Variants in MAP4K4 observed in about 807,000 individuals in gnomAD.
MAP4K4 encodes HPK/GCK-like kinase HGK.
Under a neutral mutation model 189.6 loss-of-function variants are expected in MAP4K4, and 38 were observed. The observed-to-expected ratio is 0.20, with a 90% CI of 0.15 to 0.26. MAP4K4 has a LOEUF of 0.26. Ranked by LOEUF, MAP4K4 falls within the 10% of genes least tolerant of loss-of-function variation. MAP4K4 has a pLI of 1.00. For missense variants in MAP4K4, 1,054 were observed against 1,726.9 expected, an observed-to-expected ratio of 0.61 and a Z score of 6.91; for synonymous variants, 610 against 624.3, an observed-to-expected ratio of 0.98 and a Z score of 0.34.
chr2:101,869,797 C>T (rs375823544), exon 22 of MAP4K4: 45 of 1,547,512 alleles, frequency 2.9e-5, no homozygotes, highest in African/African-American at 6.8e-5. Flanking sequence ...ACCAGAGCAG[C>T]GTCAGTCCCC....
At chr2:101,742,845 A>G (rs1024670370) in intron 2 of MAP4K4, among the ~76,000 whole-genome samples, 4 of 152,176 alleles carry the variant, frequency 2.6e-5, no homozygotes, top group Non-Finnish European at 2.9e-5. Context: ...AGTAGCAATA[A>G]CTAGCTCTAC....
At chr2:101,866,000 A>G (rs1415352572) in intron 18 of MAP4K4, among the ~76,000 whole-genome samples, 1 of 152,224 alleles carries the variant, frequency 6.6e-6, no homozygotes, top group Non-Finnish European at 1.5e-5. Context: ...ACAAAGGACT[A>G]TTCTTTGTAA....
At chr2:101,880,603 G>A (rs952858851) in intron 27 of MAP4K4, among the ~76,000 whole-genome samples, 3 of 151,814 alleles carry the variant, frequency 2.0e-5, no homozygotes, top group Non-Finnish European at 4.4e-5. Context: ...CTGCCTTCCG[G>A]GTTCAAGCAA....
At chr2:101,765,054 A>G (rs1575152272) in intron 2 of MAP4K4, among the ~76,000 whole-genome samples, 1 of 152,326 alleles carries the variant, frequency 6.6e-6, no homozygotes, top group East Asian at 1.9e-4. Flanking sequence ...GGATAAAGGA[A>G]CAAATTAACA....
chr2:101,745,328 A>AACCCCC (rs2064781044), intron 2 of MAP4K4, among the ~76,000 whole-genome samples: 1 of 54,874 alleles, frequency 1.8e-5, no homozygotes, highest in African/African-American at 1.0e-4. Context: ...TGAAAATATC[A>AACCCCC]CCCCCCCCCC....
At chr2:101,705,442 G>A (rs895867324) in intron 2 of MAP4K4, among the ~76,000 whole-genome samples, 1 of 152,158 alleles carries the variant, frequency 6.6e-6, no homozygotes, top group East Asian at 1.9e-4. Flanking sequence ...CATGGAAACA[G>A]CACATACTGC....
At chr2:101,816,214 A>T (rs1008757029) in intron 3 of MAP4K4, among the ~76,000 whole-genome samples, 4 of 152,136 alleles carry the variant, frequency 2.6e-5, no homozygotes, top group Admixed American at 6.5e-5. Flanking sequence ...ATTTTGGCTA[A>T]TTTTAGTTGT....
At chr2:101,829,526 A>C in exon 6 of MAP4K4, 1 of 1,610,540 alleles carries the variant, frequency 6.2e-7, no homozygotes, top group East Asian at 2.2e-5. Context: ...CTTCACATTC[A>C]TCATGTGATT....
intron 31 of MAP4K4, 128 bp from the exon 32 acceptor site, chr2:101,888,668 C>T: frequency 1.5e-6 from 1 of 645,318 alleles, no homozygotes; most frequent in Non-Finnish European, 2.3e-6. Flanking sequence ...TCCTTAAATG[C>T]TAGGCATTTA....
chr2:101,753,561 A>G (rs1449026317), intron 2 of MAP4K4, among the ~76,000 whole-genome samples: 2 of 152,084 alleles, frequency 1.3e-5, no homozygotes, highest in Non-Finnish European at 2.9e-5. Context: ...TCATCTAGCT[A>G]TGATTTATGA....
intron 2 of MAP4K4, among the ~76,000 whole-genome samples, chr2:101,700,484 TC>T (rs1198997581): frequency 6.6e-6 from 1 of 152,212 alleles, no homozygotes; most frequent in Non-Finnish European, 1.5e-5. Context: ...TTGCCTACAG[TC>T]CAGAACAAAA....
chr2:101,834,523 G>A, intron 8 of MAP4K4, 60 bp downstream of exon 8: 4 of 1,358,672 alleles, frequency 2.9e-6, no homozygotes, highest in Non-Finnish European at 4.1e-6. Context: ...CCCCTCCCAA[G>A]ACTTCAAAAA....
At chr2:101,848,970 A>C (rs1282134318) in intron 12 of MAP4K4, among the ~76,000 whole-genome samples, 1 of 152,046 alleles carries the variant, frequency 6.6e-6, no homozygotes, top group Non-Finnish European at 1.5e-5. Flanking sequence ...TCGTACTGAG[A>C]GTCTCAGCAT....
At chr2:101,889,449 A>G (rs2098534087) in intron 32 of MAP4K4, among the ~76,000 whole-genome samples, 1 of 152,198 alleles carries the variant, frequency 6.6e-6, no homozygotes, top group East Asian at 1.9e-4. Context: ...CAGAGACCCC[A>G]TGGCATGACA....
intron 3 of MAP4K4, among the ~76,000 whole-genome samples, chr2:101,813,088 C>G (rs138028014): frequency 6.6e-6 from 1 of 151,916 alleles, no homozygotes; most frequent in African/African-American, 2.4e-5. Flanking sequence ...AAGATAGTGC[C>G]GGCCTGGGTG....
At chr2:101,859,673 C>T (rs765227761) in exon 15 of MAP4K4, 2 of 1,610,810 alleles carry the variant, frequency 1.2e-6, no homozygotes, top group Admixed American at 3.4e-5. Flanking sequence ...GGAGGAGCAC[C>T]GGCAGGCAGA....
chr2:101,891,077 A>G, intron 32 of MAP4K4, 89 bp from the exon 33 acceptor site: 3 of 980,960 alleles, frequency 3.1e-6, no homozygotes, highest in South Asian at 1.3e-5. Flanking sequence ...CGTACTTGAC[A>G]GTGTTGAGGA....
chr2:101,815,529 C>T (rs892582016), intron 3 of MAP4K4, among the ~76,000 whole-genome samples: 2 of 151,986 alleles, frequency 1.3e-5, no homozygotes, highest in Non-Finnish European at 2.9e-5. Flanking sequence ...CTTTCCCCCC[C>T]TCTCTCATAT....
At chr2:101,849,194 C>G (rs2097202087) in intron 12 of MAP4K4, among the ~76,000 whole-genome samples, 1 of 152,186 alleles carries the variant, frequency 6.6e-6, no homozygotes, top group East Asian at 1.9e-4. Context: ...GCAATCTCAG[C>G]TCACTGCACC....
Sources: allele counts gnomAD v4.1 joint callset (sites outside exome capture counted in the v4.1 genomes callset), GRCh38; gene constraint gnomAD v4.1.1; transcripts MANE v1.5; gene names NCBI Gene and HGNC (gene_info 2026-07-23, HGNC 2026-07-21).